The following NCOA4 variants were observed in gnomAD, a reference collection of about 807,000 sequenced individuals.
The protein encoded by NCOA4 is 70 kDa AR-activator.
A neutral mutation model predicts 69.5 loss-of-function variants in NCOA4; 31 were observed. The ratio of observed to expected loss-of-function variants is 0.45; its 90% CI spans 0.34 to 0.60. The LOEUF (loss-of-function observed/expected upper bound fraction) is 0.60. Among genes scored for constraint, NCOA4 ranks in the 20% least tolerant of loss-of-function variants. The pLI, the probability that NCOA4 is intolerant of heterozygous loss-of-function variation, is 0.02. For missense variants in NCOA4, 600 were observed against 719.2 expected, an observed-to-expected ratio of 0.83 and a Z score of 1.90; for synonymous variants, 228 against 252.4, an observed-to-expected ratio of 0.90 and a Z score of 0.92.
chr10:46,028,584 TAC>T (rs1554925948), intron 1 of NCOA4, among the ~76,000 whole-genome samples: 1 of 149,846 alleles, frequency 6.7e-6, no homozygotes, highest in African/African-American at 2.5e-5. Context: ...ATATATTACC[TAC>T]AGTCACAAAC....
chr10:46,013,961 CAA>C (rs1428441784), intron 5 of NCOA4, among the ~76,000 whole-genome samples: 7 of 152,058 alleles, frequency 4.6e-5, no homozygotes, highest in African/African-American at 1.2e-4. Context: ...TGAGGCATTC[CAA>C]AGAGTATCAC....
In NCOA4 at chr10:46,005,886, A is replaced by G. The variant is rs545892791; in HGVS notation, c.*706T>C. 20 of 208,054 alleles carry G rather than the reference A, an allele frequency of 9.6e-5. No homozygotes were observed. The highest frequency in any genetic ancestry group is 9.8e-5 in the Non-Finnish European group (10 of 102,026). The allele number at this position is 208,054 out of a possible 1,614,324, so 12.9% of individuals were successfully genotyped here. ...ATTTTAAAAGGCTAGAATTACCTCA[A>G]AAATAGTCTTGAAATAATACTGAGT... On this transcript the variant is annotated 3_prime_UTR_variant, in exon 10 of 10. Coordinates refer to ENST00000581486, the MANE Select transcript of NCOA4 (RefSeq NM_001145263.2).
chr10:46,030,434 C>T (rs1554926320), intron 1 of NCOA4, 92 bp downstream of exon 1: 1 of 144,912 alleles, frequency 6.9e-6, no homozygotes, highest in Non-Finnish European at 1.5e-5. Context: ...GCAGACCGGT[C>T]CCGGTGTCGG....
Position 46,010,237 on chromosome 10 carries a change from G to T in NCOA4, c.1684C>A (p.Arg562=). Residue 562 remains arginine, a synonymous_variant, in exon 8 of 10, where the codon CGA becomes AGA. Transcript: ENST00000581486. ...TTTATGCTCACCTGGGCCTTCTTTC[G>T]AAGCAGCCACTTGTCTTCTCCAGAA... The part of the protein sequence containing the change: ...LSSGEDKWLL[R]KKAQEVLLNS... The T allele has an allele frequency of 6.2e-7, 1 of 1,602,244 alleles. No individual in the cohort carries two copies. The highest frequency in any genetic ancestry group is 1.1e-5 in the South Asian group (1 of 89,154).
intron 7 of NCOA4, among the ~76,000 whole-genome samples, chr10:46,012,066 GAAAGAAAAAAAAAAAAAAAAA>G (rs1554921783): frequency 1.5e-4 from 1 of 6,736 alleles, no homozygotes; most frequent in African/African-American, 4.3e-4. Context: ...GTCTCAAAAA[GAAAGAAAAAAAAAAAAAAAAA>G]AAAAAAAAAA....
At chr10:46,009,094 T>C in intron 9 of NCOA4, 1 of 1,372,762 alleles carries the variant, frequency 7.3e-7, no homozygotes, top group Non-Finnish European at 1.0e-6. Context: ...GGATATTTGC[T>C]TTATTGCAGT....
In NCOA4 at chr10:46,011,070, T is replaced by C. The variant is rs781795714; in HGVS notation, c.851A>G (p.Glu284Gly). 5 of 1,613,970 alleles carry C rather than the reference T, an allele frequency of 3.1e-6. No homozygotes were observed. The Admixed American group carries it at 8.3e-5, about 27-fold the overall frequency. The part of the protein sequence containing the change: ...SHSTTSSFSI[E>G]MEKVGDQELP... ...CTCTTGATCTCCAACCTTTTCCATT[T>C]CAATGGAGAAAGAACTAGTAGTGGA... The change falls in exon 8 of 10, where the codon GAA becomes GGA. Residue 284 changes from glutamate to glycine, a missense_variant. By Grantham distance (98) the Glu-to-Gly change is moderately conservative. Transcript: ENST00000581486.
chr10:46,023,251 C>G, intron 1 of NCOA4: 1 of 983,812 alleles, frequency 1.0e-6, no homozygotes, highest in Admixed American at 6.1e-5. Flanking sequence ...CGCTGCGACC[C>G]GGCTCCTGCC....
Position 46,010,977 on chromosome 10 carries a change from C to T in NCOA4, c.944G>A (p.Arg315Gln), listed in dbSNP as rs144343467. ...LVTPQESHKLRKPENGSRETS... is the reference protein window; with the variant it reads ...LVTPQESHKLQKPENGSRETS... The stretch of plus-strand genomic sequence containing the variant: ...TTCACGACTGCCATTCTCAGGCTTC[C>T]GCAGCTTATGGGATTCCTGGGGAGT... Residue 315 changes from arginine (R) to glutamine (Q), a missense_variant, in exon 8 of 10, where the codon CGG (arginine) becomes CAG (glutamine). Transcript: ENST00000581486. 1.4e-5 allele frequency: 22 copies of T among 1,613,840 alleles called. No homozygotes were observed. The highest frequency in any genetic ancestry group is 1.5e-5 in the Non-Finnish European group (18 of 1,179,872).
intron 1 of NCOA4, among the ~76,000 whole-genome samples, chr10:46,025,261 C>T (rs1290171296): frequency 2.0e-5 from 3 of 152,150 alleles, no homozygotes; most frequent in African/African-American, 7.2e-5. Context: ...AGAATGTATC[C>T]CAGCTCCAGC....
chr10:46,030,323 G>A (rs529912407), intron 1 of NCOA4, among the ~76,000 whole-genome samples: 2 of 151,734 alleles, frequency 1.3e-5, no homozygotes, highest in Non-Finnish European at 2.9e-5. Flanking sequence ...GCCCGGGCCC[G>A]GCGTGTGGCC....
At chr10:46,017,149 CTT>C (rs1839610085) in intron 1 of NCOA4, among the ~76,000 whole-genome samples, 2 of 152,070 alleles carry the variant, frequency 1.3e-5, no homozygotes, top group African/African-American at 2.4e-5. Flanking sequence ...GTTTAGAACA[CTT>C]TGTTTAGAAG....
chr10:46,022,556 C>G (rs2132371139), intron 1 of NCOA4: 1 of 423,860 alleles, frequency 2.4e-6, no homozygotes, highest in Non-Finnish European at 4.8e-6. Context: ...CACCTCCCGG[C>G]TTCATACCAT....
At chr10:46,008,907 T>C (rs1839017040) in intron 9 of NCOA4, among the ~76,000 whole-genome samples, 1 of 152,234 alleles carries the variant, frequency 6.6e-6, no homozygotes, top group East Asian at 1.9e-4. Context: ...AAAACGATTA[T>C]GTGTTAATGG....
chr10:46,016,620 T>A lies in NCOA4; in HGVS notation c.61A>T (p.Ser21Cys). Residue 21 changes from serine (S) to cysteine (C), a missense_variant, in exon 2 of 10, where the codon AGT (serine) becomes TGT (cysteine). Coordinates refer to ENST00000581486, the MANE Select transcript of NCOA4 (RefSeq NM_001145263.2). ...AGCTCCAAGTCCCTCCGTGCATCAC[T>A]ACACCTCAAAAGGGGTTCTCTATTA... ...SSNREPLLRC[S>C]DARRDLELAI... 1 of 1,565,638 alleles carries A rather than the reference T, an allele frequency of 6.4e-7. No individual in the cohort carries two copies. Among genetic ancestry groups the A allele is most frequent in the African/African-American group, 1.4e-5 (1 of 74,052 alleles).
At chr10:46,007,991 T>C (rs1838954517) in intron 9 of NCOA4, among the ~76,000 whole-genome samples, 1 of 152,198 alleles carries the variant, frequency 6.6e-6, no homozygotes, top group Non-Finnish European at 1.5e-5. Flanking sequence ...AAAGCTTGGA[T>C]GACAGCGCAC....
chr10:46,015,077 G>A (rs1554922812), intron 3 of NCOA4, 49 bp downstream of exon 3: 1 of 1,612,088 alleles, frequency 6.2e-7, no homozygotes, highest in East Asian at 2.2e-5. Flanking sequence ...ATACTCTCTG[G>A]CAACCAGAAG....
rs201479189 is a variant in NCOA4, at chr10:46,006,543, A to C, written c.*49T>G. 1 of 1,608,264 alleles carries C rather than the reference A, an allele frequency of 6.2e-7. No individual in the cohort carries two copies. Among genetic ancestry groups the C allele is most frequent in the Non-Finnish European group, 8.5e-7 (1 of 1,175,352 alleles). ...TTGGCAAGCTGCAGTCACTCAGCTC[A>C]TGATGTGTGATAATCAGCAGAAAGG... On this transcript the variant is annotated 3_prime_UTR_variant, in exon 10 of 10. Transcript: ENST00000581486.
At chr10:46,026,096 C>G (rs1270023549) in intron 1 of NCOA4, among the ~76,000 whole-genome samples, 2 of 152,226 alleles carry the variant, frequency 1.3e-5, no homozygotes, top group African/African-American at 2.4e-5. Flanking sequence ...AGACTAGCCA[C>G]AGTAAGTATG....
Sources: gnomAD v4.1 joint callset for allele counts (sites outside exome capture counted in the v4.1 genomes callset) on GRCh38, gnomAD v4.1.1 for gene constraint, MANE v1.5 for transcripts, NCBI Gene and HGNC (gene_info 2026-07-23, HGNC 2026-07-21) for gene names.